C1orf87: variants seen among roughly 807,000 people sequenced by gnomAD.
The protein encoded by C1orf87 is uncharacterized protein C1orf87.
In C1orf87, 58 loss-of-function variants were observed where a neutral mutation model predicts 60.5. That is an observed-to-expected ratio of 0.96 (90% CI 0.78 to 1.19). C1orf87 has a LOEUF of 1.19. C1orf87 is among the 50% of genes most tolerant of loss of function. C1orf87 has a pLI of 0.00. For missense variants in C1orf87, 673 were observed against 638.6 expected (o/e 1.05, Z -0.58); for synonymous variants, 236 against 227.4 (o/e 1.04, Z -0.34).
At chr1:60,056,654 G>T (rs1229011762) in intron 2 of C1orf87, among the ~76,000 whole-genome samples, 1 of 152,180 alleles carries the variant, frequency 6.6e-6, no homozygotes, top group Non-Finnish European at 1.5e-5. Flanking sequence ...GAAGTTAACA[G>T]TATCTCCGGG....
At chr1:60,006,550 G>T (rs1645047345) in intron 9 of C1orf87, among the ~76,000 whole-genome samples, 1 of 151,972 alleles carries the variant, frequency 6.6e-6, no homozygotes, top group Non-Finnish European at 1.5e-5. Context: ...CATTTCCTTT[G>T]AATTTTCCCT....
intron 9 of C1orf87, among the ~76,000 whole-genome samples, chr1:60,007,585 T>C (rs750607654): frequency 3.9e-5 from 6 of 152,034 alleles, no homozygotes; most frequent in Non-Finnish European, 8.8e-5. Flanking sequence ...CACAGAGAGC[T>C]TTTCTCCCCC....
At chr1:60,062,126 C>T (rs554177399) in intron 2 of C1orf87, among the ~76,000 whole-genome samples, 33 of 152,252 alleles carry the variant, frequency 2.2e-4, no homozygotes, top group African/African-American at 7.5e-4. Flanking sequence ...TATTTAGTTT[C>T]GGTAACATTC....
chr1:60,005,581 T>C (rs984312222), intron 9 of C1orf87, among the ~76,000 whole-genome samples: 1 of 152,078 alleles, frequency 6.6e-6, no homozygotes, highest in Non-Finnish European at 1.5e-5. Flanking sequence ...TGTGAAAATA[T>C]ATGGATAAAG....
chr1:60,051,923 G>A (rs1332820724), intron 3 of C1orf87, among the ~76,000 whole-genome samples: 1 of 152,064 alleles, frequency 6.6e-6, no homozygotes, highest in African/African-American at 2.4e-5. Flanking sequence ...AGAGGGGTGA[G>A]ACCATTCTGT....
chr1:60,040,907 T>C, intron 4 of C1orf87, 84 bp downstream of exon 4: 1 of 1,437,560 alleles, frequency 7.0e-7, no homozygotes, highest in Admixed American at 2.0e-5. Flanking sequence ...GACCAACTTA[T>C]CTTCTGCTCC....
rs372216619 is a variant in C1orf87, at chr1:60,000,617, TTTTC to T, written c.1272+456_1272+459del. On this transcript the variant is annotated intron_variant, in intron 10 of 11. Coordinates refer to ENST00000371201, the MANE Select transcript of C1orf87 (RefSeq NM_152377.3). The stretch of plus-strand genomic sequence containing the variant: ...TGGGTTTTAACTGCTTGCCAGATTT[TTTTC>T]TTTCTTTCTTCTTTTTAATCAGAGA... Among the ~76,000 whole-genome samples, 232 of 152,224 alleles carry T rather than the reference TTTTC, an allele frequency of 1.5e-3. 1 individual carries two copies. The highest frequency in any genetic ancestry group is 5.4e-3 in the African/African-American group (224 of 41,564).
chr1:60,042,655 C>T (rs1166236464), intron 3 of C1orf87, among the ~76,000 whole-genome samples: 1 of 222 alleles, frequency 4.5e-3, no homozygotes, highest in Non-Finnish European at 9.3e-3. Context: ...TTATTTAAAT[C>T]CTTACACAAC....
chr1:59,993,286 G>T (rs12086504), intron 11 of C1orf87, among the ~76,000 whole-genome samples: 2,825 of 151,546 alleles, frequency 0.019, 83 homozygotes, highest in African/African-American at 0.066. Context: ...GAAAGAAAGA[G>T]GGAAAGAAGG....
chr1:60,064,359 T>A (rs1445027605), intron 2 of C1orf87, among the ~76,000 whole-genome samples: 1 of 142,484 alleles, frequency 7.0e-6, no homozygotes, highest in Non-Finnish European at 1.5e-5. Flanking sequence ...ATGTAATATA[T>A]AATATATATA....
Position 60,066,195 on chromosome 1 carries a change from C to A in C1orf87, c.107+6342G>T, listed in dbSNP as rs143188955. 1.7e-3 allele frequency among the ~76,000 whole-genome samples: 265 copies of A among 152,184 alleles called. 1 individual carries two copies. The highest frequency in any genetic ancestry group is 6.1e-3 in the African/African-American group (255 of 41,520). ...GTGGTTGTGCAATTTCTTAAGACAG[C>A]AATAAAGTTTGCTGCATCTATTGAC... On this transcript the variant is annotated intron_variant, in intron 2 of 11. Transcript: ENST00000371201.
At chr1:60,041,192 G>A (rs952945909) in intron 3 of C1orf87, 61 bp from the exon 4 acceptor site, 12 of 1,379,056 alleles carry the variant, frequency 8.7e-6, no homozygotes, top group South Asian at 1.8e-5. Flanking sequence ...AAGAGAAAGA[G>A]GAAAGAATGG....
chr1:60,072,882 A>G (rs1645593833), intron 1 of C1orf87, among the ~76,000 whole-genome samples: 1 of 152,240 alleles, frequency 6.6e-6, no homozygotes, highest in African/African-American at 2.4e-5. Flanking sequence ...AAATGTAGCT[A>G]TATGACTTAC....
intron 3 of C1orf87, among the ~76,000 whole-genome samples, chr1:60,041,372 G>A (rs572697123): frequency 1.3e-5 from 2 of 152,166 alleles, no homozygotes; most frequent in Non-Finnish European, 2.9e-5. Flanking sequence ...ACTTAGGTAT[G>A]TCTCATTTGG....
chr1:60,043,088 C>T (rs759338044), intron 3 of C1orf87, among the ~76,000 whole-genome samples: 2 of 152,144 alleles, frequency 1.3e-5, no homozygotes, highest in African/African-American at 2.4e-5. Flanking sequence ...CTCAAAGGTG[C>T]ATGCATGCAT....
intron 10 of C1orf87, among the ~76,000 whole-genome samples, chr1:59,998,515 T>G (rs1644979621): frequency 6.6e-6 from 1 of 152,150 alleles, no homozygotes; most frequent in Non-Finnish European, 1.5e-5. Flanking sequence ...ATTCTGATCT[T>G]TACCATGTGC....
intron 2 of C1orf87, among the ~76,000 whole-genome samples, chr1:60,064,925 TA>T (rs1232247911): frequency 6.9e-5 from 5 of 72,328 alleles, no homozygotes; most frequent in Admixed American, 2.1e-4. Context: ...TTATATTATA[TA>T]ATATATAATA....
rs368867422 is a variant in C1orf87 at position 60,055,386 on chromosome 1, T to C, written c.160A>G (p.Met54Val). ...TETQTMHQKP[M>V]TDNARQMSRD... ...CTCATCTGCCTTGCATTATCAGTCA[T>C]TGGTTTCTGGTGCATTGTTTGGGTT... The change falls in exon 3 of 12, where the codon ATG becomes GTG. Residue 54 changes from methionine to valine, a missense_variant. Met to Val is a conservative substitution (Grantham distance 21). Coordinates refer to ENST00000371201, the MANE Select transcript of C1orf87 (RefSeq NM_152377.3). 4.3e-6 allele frequency: 7 copies of C among 1,614,020 alleles called. No homozygotes were observed. The Admixed American group carries it at 6.7e-5, about 15-fold the overall frequency.
chr1:60,032,432 GTT>G (rs11376932), intron 7 of C1orf87, among the ~76,000 whole-genome samples: 3 of 88,568 alleles, frequency 3.4e-5, no homozygotes, highest in African/African-American at 4.6e-5. Context: ...TGAGACTCAG[GTT>G]TTTTTTTTTT....
Sources: allele counts gnomAD v4.1 joint callset (sites outside exome capture counted in the v4.1 genomes callset), GRCh38; gene constraint gnomAD v4.1.1; transcripts MANE v1.5; gene names NCBI Gene and HGNC (gene_info 2026-07-23, HGNC 2026-07-21).